TENM3: variants seen among roughly 807,000 people sequenced by gnomAD.
TENM3 encodes teneurin transmembrane protein 3, also known as teneurin-3.
Under a neutral mutation model 255.1 loss-of-function variants are expected in TENM3, and 63 were observed. That is an observed-to-expected ratio of 0.25 (90% CI 0.20 to 0.30). TENM3 has a LOEUF of 0.30. Among genes scored for constraint, TENM3 ranks in the 10% least tolerant of loss-of-function variants. The pLI, the probability that TENM3 is intolerant of heterozygous loss-of-function variation, is 1.00. For missense variants in TENM3, 2,929 were observed against 3,461.1 expected (o/e 0.85, Z 3.86); for synonymous variants, 1,306 against 1,322.3 (o/e 0.99, Z 0.27).
At chr4:181,676,727 AG>A in the TENM3 span, among the ~76,000 whole-genome samples, 1 of 152,188 alleles carries the variant, frequency 6.6e-6, no homozygotes, top group South Asian at 2.1e-4. Context: ...ATTTGATTAC[AG>A]GTGTAAGCTA....
At chr4:182,101,100 G>GAGGGAGGGAGGAAGGAAAGA in the TENM3 span, among the ~76,000 whole-genome samples, 1 of 10,172 alleles carries the variant, frequency 9.8e-5, no homozygotes, top group Non-Finnish European at 2.8e-4. Flanking sequence ...GGGAGGGAGG[G>GAGGGAGGGAGGAAGGAAAGA]AGGGAGGAAG....
chr4:182,170,728 G>A (rs1363577887), intron 1 of TENM3, among the ~76,000 whole-genome samples: 1 of 152,064 alleles, frequency 6.6e-6, no homozygotes, highest in Non-Finnish European at 1.5e-5. Flanking sequence ...AAACCACAAA[G>A]CTCCTGTAAG....
At chr4:181,961,607 G>C in the TENM3 span, among the ~76,000 whole-genome samples, 69 of 152,234 alleles carry the variant, frequency 4.5e-4, no homozygotes, top group Non-Finnish European at 4.4e-5. Context: ...TTTTAGTAGA[G>C]ACGGGCTTTC....
intron 1 of TENM3, among the ~76,000 whole-genome samples, chr4:182,301,741 G>A (rs73869918): frequency 0.023 from 3,460 of 152,212 alleles, 71 homozygotes; most frequent in Admixed American, 0.066. Context: ...GAATACACTG[G>A]GAAGAGGAAG....
intron 12 of TENM3, among the ~76,000 whole-genome samples, chr4:182,704,124 A>G (rs1355662549): frequency 6.6e-6 from 1 of 152,188 alleles, no homozygotes; most frequent in African/African-American, 2.4e-5. Flanking sequence ...AGGAAATCCT[A>G]AAATGTGTTT....
the TENM3 span, among the ~76,000 whole-genome samples, chr4:181,514,186 C>T: frequency 0.5 from 76,480 of 151,956 alleles, 19,494 homozygotes; most frequent in Non-Finnish European, 0.56. Context: ...TGACTCTCAC[C>T]TATAACTCCG....
chr4:182,220,535 C>T (rs1396956367), intron 1 of TENM3, among the ~76,000 whole-genome samples: 4 of 134,102 alleles, frequency 3.0e-5, no homozygotes, highest in African/African-American at 8.2e-5. Flanking sequence ...CAGCATGCTG[C>T]GATTCCAGGT....
At chr4:181,540,571 G>T in the TENM3 span, among the ~76,000 whole-genome samples, 1 of 152,126 alleles carries the variant, frequency 6.6e-6, no homozygotes, top group Admixed American at 6.5e-5. Flanking sequence ...ATGTCATGTT[G>T]GTAGCACATG....
the TENM3 span, among the ~76,000 whole-genome samples, chr4:181,531,928 G>T: frequency 6.6e-6 from 1 of 152,188 alleles, no homozygotes; most frequent in Non-Finnish European, 1.5e-5. Flanking sequence ...TCAATATGTG[G>T]CTCACCCCTG....
At chr4:181,967,483 G>A in the TENM3 span, among the ~76,000 whole-genome samples, 4 of 152,148 alleles carry the variant, frequency 2.6e-5, no homozygotes, top group African/African-American at 7.2e-5. Context: ...TCCTATCACC[G>A]GTTTAAAAGC....
the TENM3 span, among the ~76,000 whole-genome samples, chr4:182,077,234 A>G: frequency 1.3e-5 from 2 of 152,164 alleles, no homozygotes; most frequent in African/African-American, 2.4e-5. Context: ...TTGTACTGCC[A>G]CCGACTTGTA....
At chr4:182,329,024 A>G (rs1763592931) in intron 2 of TENM3, among the ~76,000 whole-genome samples, 1 of 152,122 alleles carries the variant, frequency 6.6e-6, no homozygotes, top group Non-Finnish European at 1.5e-5. Flanking sequence ...AAACAAAAGG[A>G]CATTAGAGGA....
At chr4:181,919,767 T>A in the TENM3 span, among the ~76,000 whole-genome samples, 2 of 151,926 alleles carry the variant, frequency 1.3e-5, no homozygotes, top group African/African-American at 2.4e-5. Context: ...AGTTTTAGGG[T>A]ACATGTGCAC....
At chr4:181,516,443 A>G in the TENM3 span, among the ~76,000 whole-genome samples, 2 of 151,698 alleles carry the variant, frequency 1.3e-5, no homozygotes, top group African/African-American at 4.8e-5. Flanking sequence ...AGGGAATGAG[A>G]GCATAGACTG....
the TENM3 span, among the ~76,000 whole-genome samples, chr4:182,075,574 T>C: frequency 6.6e-6 from 1 of 152,168 alleles, no homozygotes; most frequent in Admixed American, 6.5e-5. Context: ...TGCTCTCAAC[T>C]CTCCAACTTC....
chr4:182,100,682 C>CATATAT, the TENM3 span, among the ~76,000 whole-genome samples: 2 of 93,684 alleles, frequency 2.1e-5, no homozygotes, highest in Non-Finnish European at 4.1e-5. Flanking sequence ...TATATATACA[C>CATATAT]ACATATATAT....
chr4:182,017,169 C>T, the TENM3 span, among the ~76,000 whole-genome samples: 2 of 152,378 alleles, frequency 1.3e-5, no homozygotes, highest in South Asian at 2.1e-4. Flanking sequence ...AGGTCCTCTC[C>T]CCTTCAACCA....
chr4:182,045,086 C>T, the TENM3 span, among the ~76,000 whole-genome samples: 58 of 152,258 alleles, frequency 3.8e-4, no homozygotes, highest in Non-Finnish European at 4.6e-4. Context: ...TTGCAAACAG[C>T]GTTTGGTGCA....
intron 3 of TENM3, among the ~76,000 whole-genome samples, chr4:182,590,836 A>G (rs1746563464): frequency 1.3e-5 from 2 of 150,002 alleles, no homozygotes; most frequent in African/African-American, 4.9e-5. Context: ...AGACAGAGCG[A>G]GACTCCGTCT....
Sources: gnomAD v4.1 joint callset for allele counts (sites outside exome capture counted in the v4.1 genomes callset) on GRCh38, gnomAD v4.1.1 for gene constraint, MANE v1.5 for transcripts, NCBI Gene and HGNC (gene_info 2026-07-23, HGNC 2026-07-21) for gene names.